The following ELP2 variants were observed in gnomAD, a reference collection of about 807,000 sequenced individuals.
ELP2 encodes the protein elongator complex protein 2.
ELP2 carries 90 observed loss-of-function variants against 119.2 expected under a neutral mutation model. That is an observed-to-expected ratio of 0.75 (90% CI 0.64 to 0.90). ELP2 has a LOEUF of 0.90. Among genes scored for constraint, ELP2 ranks in the 40% least tolerant of loss-of-function variants. ELP2 has a pLI of 0.00. For missense variants in ELP2, 921 were observed against 967.8 expected (o/e 0.95, Z 0.64); for synonymous variants, 339 against 331.0 (o/e 1.02, Z -0.26).
At chr18:36,169,024 A>G (rs535424533) in intron 19 of ELP2, among the ~76,000 whole-genome samples, 71 of 145,382 alleles carry the variant, frequency 4.9e-4, no homozygotes, top group Admixed American at 3.7e-3. Context: ...TCCCAGGTTC[A>G]GGCGATTCTC....
Position 36,137,900 on chromosome 18 carries a change from G to C in ELP2, c.289-370G>C, listed in dbSNP as rs186683514. Among the ~76,000 whole-genome samples, 21 of 151,818 alleles carry C rather than the reference G, an allele frequency of 1.4e-4. No individual in the cohort carries two copies. The East Asian group carries it at 3.9e-3, about 28-fold the overall frequency. ...TAAAGGTTAGCTTCACTAAAACCTG[G>C]ACAAACTGAAATGATGTGCCTCCTG... is the stretch of plus-strand genomic sequence containing the variant. On this transcript the variant is annotated intron_variant, in intron 3 of 21. Coordinates refer to ENST00000358232, the MANE Select transcript of ELP2 (RefSeq NM_018255.4).
chr18:36,131,990 A>G lies in ELP2; in HGVS notation c.139-1248A>G, dbSNP rs555590661. Among the ~76,000 whole-genome samples the G allele has an allele frequency of 2.7e-4, 38 of 138,286 alleles. No individual in the cohort carries two copies. In the South Asian group the frequency reaches 7.5e-3, roughly 27 times the overall value. The allele number at this position is 138,286 out of a possible 152,430, so 90.7% of individuals were successfully genotyped here. On this transcript the variant is annotated intron_variant, in intron 1 of 21. Transcript: ENST00000358232. Reference sequence around the variant, plus strand: ...ACAGTAACTGCTCAGTGCAACCTGCAACCTCCACCTCCCGAAATCAAGTGA... The same window carrying G: ...ACAGTAACTGCTCAGTGCAACCTGCGACCTCCACCTCCCGAAATCAAGTGA...
chr18:36,141,951 C>T (rs920365115), intron 6 of ELP2, among the ~76,000 whole-genome samples: 7 of 152,072 alleles, frequency 4.6e-5, no homozygotes, highest in African/African-American at 1.4e-4. Context: ...TCCTCAGCCT[C>T]GCAAGGTATT....
chr18:36,146,471 CAT>C lies in ELP2; in HGVS notation c.1125+92_1125+93del. 13 of 1,401,334 alleles carry C rather than the reference CAT, an allele frequency of 9.3e-6. No individual in the cohort carries two copies. The East Asian group carries it at 2.1e-4, about 22-fold the overall frequency. The allele number at this position is 1,401,334 out of a possible 1,614,324, so 86.8% of individuals were successfully genotyped here. A position where few individuals can be genotyped will look rare whatever the true frequency, so the allele number is the denominator to read the frequency against. Reference sequence around the variant, plus strand: ...TTTTGCTTATAACACTCTACAGAAACATAGTAGAGGCACTTGAAGTTCAAGTG... The same window carrying C: ...TTTTGCTTATAACACTCTACAGAAACAGTAGAGGCACTTGAAGTTCAAGTG... On this transcript the variant is annotated intron_variant, in intron 11 of 21. Transcript: ENST00000358232.
At chr18:36,136,860 A>G (rs1288314004) in intron 3 of ELP2, among the ~76,000 whole-genome samples, 2 of 152,168 alleles carry the variant, frequency 1.3e-5, no homozygotes, top group Non-Finnish European at 2.9e-5. Flanking sequence ...TGCTTTTGGC[A>G]TACGAATATA....
intron 18 of ELP2, among the ~76,000 whole-genome samples, chr18:36,165,895 A>G (rs1240739269): frequency 6.6e-6 from 1 of 152,126 alleles, no homozygotes; most frequent in African/African-American, 2.4e-5. Flanking sequence ...AAAATAAAAA[A>G]TAAGTTAAAG....
intron 12 of ELP2, among the ~76,000 whole-genome samples, chr18:36,155,264 T>TCCCC (rs60227416): frequency 1.5e-4 from 15 of 100,302 alleles, no homozygotes; most frequent in South Asian, 3.5e-4. Flanking sequence ...GCACCGCCCC[T>TCCCC]CCCCCCCCCC....
Position 36,141,149 on chromosome 18 carries a change from C to T in ELP2, c.536C>T (p.Ala179Val), listed in dbSNP as rs754460356. 1.2e-6 allele frequency: 2 copies of T among 1,613,600 alleles called. No homozygotes were observed. The highest frequency in any genetic ancestry group is 2.2e-5 in the East Asian group (1 of 44,844). The change falls in exon 6 of 22, where the codon GCA (alanine) becomes GTA (valine). Residue 179 changes from alanine (A) to valine (V), a missense_variant. Physicochemically the swap from Ala to Val is moderately conservative, Grantham distance 64. Transcript: ENST00000358232. ...TTTCTTCCCCCAGTACCAATATTAG[C>T]ATGTGGCAATGATGATTGCAGAATT... Reference protein sequence around the residue: ...FLPNTDVPILACGNDDCRIHI... With the variant: ...FLPNTDVPILVCGNDDCRIHI...
chr18:36,137,803 C>CAAAAAAAAAAAA (rs57722627), intron 3 of ELP2, among the ~76,000 whole-genome samples: 1 of 103,698 alleles, frequency 9.6e-6, no homozygotes, highest in African/African-American at 3.5e-5. Context: ...ATATTATCAC[C>CAAAAAAAAAAAA]AAAAAAAAAA....
At chr18:36,171,743 G>A (rs1245650104) in intron 21 of ELP2, among the ~76,000 whole-genome samples, 1 of 152,080 alleles carries the variant, frequency 6.6e-6, no homozygotes, top group Admixed American at 6.5e-5. Flanking sequence ...GTGAGACAGG[G>A]TCTCACTCTG....
At chr18:36,130,983 C>G (rs1253295148) in intron 1 of ELP2, among the ~76,000 whole-genome samples, 1 of 151,582 alleles carries the variant, frequency 6.6e-6, no homozygotes, top group African/African-American at 2.4e-5. Context: ...GTTTAGGCAA[C>G]AGAGCGAGAC....
At position 36,170,197 on chromosome 18, in the gene ELP2, G is replaced by A. The variant is rs1200280347; in HGVS notation, c.2210+1G>A. ...GCCCAGTGCTCCACCCTTCTCAACG[G>A]TCAGTCTCTGTGTGGGGCTTAGTTT... On this transcript the variant is annotated splice_donor_variant, in intron 20 of 21. Transcript: ENST00000358232. LOFTEE classifies it high-confidence loss of function. 6.2e-7 allele frequency: 1 copy of A among 1,614,098 alleles called. No individual in the cohort carries two copies. The highest frequency in any genetic ancestry group is 8.5e-7 in the Non-Finnish European group (1 of 1,180,016).
intron 1 of ELP2, among the ~76,000 whole-genome samples, chr18:36,131,930 CTTTTTTTTTTT>C (rs5823996): frequency 1.3e-5 from 1 of 79,872 alleles, no homozygotes; most frequent in African/African-American, 5.2e-5. Flanking sequence ...GCTGGTCGGG[CTTTTTTTTTTT>C]TTTTTTTTTT....
chr18:36,157,330 G>A (rs370254333), intron 13 of ELP2, among the ~76,000 whole-genome samples: 2 of 152,256 alleles, frequency 1.3e-5, no homozygotes, highest in Admixed American at 6.5e-5. Flanking sequence ...GTTGAGTCAC[G>A]AATTTGGTTC....
chr18:36,161,730 G>C (rs1644859983), intron 17 of ELP2, among the ~76,000 whole-genome samples: 1 of 151,868 alleles, frequency 6.6e-6, no homozygotes, highest in Non-Finnish European at 1.5e-5. Context: ...CCACCTGCAT[G>C]GGCTTGTGTC....
At chr18:36,174,219 GT>G (rs1251150576) in intron 21 of ELP2, among the ~76,000 whole-genome samples, 1 of 150,230 alleles carries the variant, frequency 6.7e-6, no homozygotes, top group Admixed American at 6.6e-5. Context: ...TTTATTTTTT[GT>G]TTTTTTTTAA....
chr18:36,130,216 C>A, intron 1 of ELP2, 145 bp downstream of exon 1: 2 of 1,022,224 alleles, frequency 2.0e-6, no homozygotes, highest in African/African-American at 1.6e-5. Flanking sequence ...TCGGAGTCTC[C>A]AGTGGACCTG....
At chr18:36,159,089 A>G (rs1238061761) in intron 14 of ELP2, among the ~76,000 whole-genome samples, 185 bp downstream of exon 14, 1 of 150,066 alleles carries the variant, frequency 6.7e-6, no homozygotes, top group Middle Eastern at 3.2e-3. Context: ...AAGTAGATGC[A>G]GTTTTCACAA....
intron 11 of ELP2, among the ~76,000 whole-genome samples, chr18:36,151,402 A>G (rs1208913300): frequency 2.6e-5 from 4 of 151,872 alleles, no homozygotes; most frequent in Non-Finnish European, 2.9e-5. Context: ...AGCTTTTACC[A>G]TTTCTCCAAA....
Sources: allele counts gnomAD v4.1 joint callset (sites outside exome capture counted in the v4.1 genomes callset), GRCh38; gene constraint gnomAD v4.1.1; transcripts MANE v1.5; gene names NCBI Gene and HGNC (gene_info 2026-07-23, HGNC 2026-07-21).